RFX7: variants seen among roughly 807,000 people sequenced by gnomAD.
RFX7 encodes the protein DNA-binding protein RFX7.
RFX7 carries 26 observed loss-of-function variants against 111.8 expected under a neutral mutation model. The ratio of observed to expected loss-of-function variants is 0.23; its 90% CI spans 0.17 to 0.32. The LOEUF (loss-of-function observed/expected upper bound fraction) is 0.32. Among genes scored for constraint, RFX7 ranks in the 10% least tolerant of loss-of-function variants. The probability of loss-of-function intolerance (pLI) is 1.00; values close to 1 mark genes in which losing one functional copy is unlikely to be tolerated. For missense variants in RFX7, 1,573 were observed against 1,772.9 expected (o/e 0.89, Z 2.02); for synonymous variants, 624 against 624.4 (o/e 1.00, Z 0.01).
chr15:56,162,523 T>C (rs1445716696), intron 3 of RFX7, among the ~76,000 whole-genome samples: 1 of 152,024 alleles, frequency 6.6e-6, no homozygotes, highest in East Asian at 1.9e-4. Flanking sequence ...TGTAATAAAT[T>C]TGAAAGCTAG....
intron 5 of RFX7, among the ~76,000 whole-genome samples, chr15:56,140,501 C>T (rs1434089902): frequency 2.6e-5 from 4 of 152,232 alleles, no homozygotes; most frequent in African/African-American, 9.6e-5. Flanking sequence ...CACCCACTGA[C>T]CTGCGCCCAC....
chr15:56,242,812 A>C (rs1383840950), intron 2 of RFX7, among the ~76,000 whole-genome samples: 1 of 152,244 alleles, frequency 6.6e-6, no homozygotes, highest in Admixed American at 6.5e-5. Context: ...TCATGCCACC[A>C]TCATGCAATA....
intron 3 of RFX7, among the ~76,000 whole-genome samples, chr15:56,152,730 C>T (rs2141053027): frequency 1.5e-5 from 2 of 136,002 alleles, no homozygotes; most frequent in East Asian, 4.2e-4. Context: ...GATGGAGACA[C>T]AAAAAACCCT....
rs1595924974 is a variant in RFX7 at position 56,102,934 on chromosome 15, A to G, written c.518+620T>C. On this transcript the variant is annotated intron_variant, in intron 6 of 9. Transcript: ENST00000559447. The stretch of plus-strand genomic sequence containing the variant: ...TGATACAGAGACCCTCTATTTTACA[A>G]TCTTCTTCTAAGAGGAGAAAGAACT... Among the ~76,000 whole-genome samples the G allele has an allele frequency of 2.6e-5, 4 of 152,114 alleles. No homozygotes were observed. The South Asian group carries it at 8.3e-4, about 32-fold the overall frequency.
rs1305076993 is a variant in RFX7 at position 56,243,463 on chromosome 15, C to A, written c.-21G>T. The A allele has an allele frequency of 5.1e-6, 5 of 984,634 alleles. No individual in the cohort carries two copies. The African/African-American group carries it at 8.8e-5, about 17-fold the overall frequency. 61.0% of individuals were successfully genotyped at this position (984,634 alleles called of 1,614,324 possible). The stretch of plus-strand genomic sequence containing the variant: ...CCTTTACCCCAGGGCTCGAGTGAGT[C>A]GCTTTCGCCTGCCGCCTGGGGAACA... On this transcript the variant is annotated 5_prime_UTR_variant, in exon 1 of 10. Coordinates refer to ENST00000559447, the MANE Select transcript of RFX7 (RefSeq NM_022841.7).
chr15:56,191,706 CAGAT>C (rs2043102342), intron 2 of RFX7, among the ~76,000 whole-genome samples: 1 of 152,084 alleles, frequency 6.6e-6, no homozygotes, highest in African/African-American at 2.4e-5. Flanking sequence ...AAAAACCAGA[CAGAT>C]AGTAATTATT....
At chr15:56,163,718 CA>C (rs1391877923) in intron 3 of RFX7, among the ~76,000 whole-genome samples, 1 of 152,102 alleles carries the variant, frequency 6.6e-6, no homozygotes, top group Non-Finnish European at 1.5e-5. Context: ...AGCAGAGACT[CA>C]AAACAGTTAT....
In RFX7 at chr15:56,243,737, G is replaced by A. The variant is rs1465240088; in HGVS notation, c.-295C>T. Among the ~76,000 whole-genome samples the A allele has an allele frequency of 1.1e-3, 162 of 151,194 alleles. 1 individual carries two copies. Among genetic ancestry groups the A allele is most frequent in the African/African-American group, 3.7e-3 (155 of 41,368 alleles). ...CTTGTCCCCGGGGCTTTCTACTGCCGGGTCCCCGTGCTGCTGCAGCCCCAG... is the reference window on the plus strand; with the variant it reads ...CTTGTCCCCGGGGCTTTCTACTGCCAGGTCCCCGTGCTGCTGCAGCCCCAG... On this transcript the variant is annotated 5_prime_UTR_variant, in exon 1 of 10. Coordinates refer to ENST00000559447, the MANE Select transcript of RFX7 (RefSeq NM_022841.7).
intron 2 of RFX7, among the ~76,000 whole-genome samples, chr15:56,230,553 A>T (rs1337636055): frequency 2.6e-5 from 4 of 152,268 alleles, no homozygotes; most frequent in Non-Finnish European, 5.9e-5. Context: ...TGCCTCTAAG[A>T]ATGCAGTAAA....
chr15:56,170,147 TGGGTATATTCCAATG>T (rs760913550), intron 3 of RFX7, among the ~76,000 whole-genome samples: 14 of 152,192 alleles, frequency 9.2e-5, no homozygotes, highest in Non-Finnish European at 1.0e-4. Context: ...CATGTGCCTC[TGGGTATATTCCAATG>T]CATATGTTCC....
At position 56,133,693 on chromosome 15, in the gene RFX7, A is replaced by G. The variant is rs1005166110; in HGVS notation, c.401+9085T>C. Reference sequence around the variant, plus strand: ...CTATATTCTATTTAGTTTTCTTTAGACAACATAATTGTAAAACTTTTAACT... The same window carrying G: ...CTATATTCTATTTAGTTTTCTTTAGGCAACATAATTGTAAAACTTTTAACT... On this transcript the variant is annotated intron_variant, in intron 5 of 9. Transcript: ENST00000559447. 2.0e-5 allele frequency among the ~76,000 whole-genome samples: 3 copies of G among 152,138 alleles called. No homozygotes were observed. In the East Asian group the frequency reaches 5.8e-4, roughly 29 times the overall value.
rs1427310781 is a variant in RFX7, at chr15:56,092,137, C to T, written c.*1208G>A. 1 of 152,500 alleles carries T rather than the reference C, an allele frequency of 6.6e-6. No individual in the cohort carries two copies. Among genetic ancestry groups the T allele is most frequent in the East Asian group, 1.9e-4 (1 of 5,200 alleles). The allele number at this position is 152,500 out of a possible 1,614,324, so 9.4% of individuals were successfully genotyped here. ...ATTTTAAAACAAATCCTGAGTTCTT[C>T]TTTTGCAATTGTGGTTATCACAATA... On this transcript the variant is annotated 3_prime_UTR_variant, in exon 10 of 10. Transcript: ENST00000559447.
At chr15:56,115,155 G>A (rs1258741206) in intron 5 of RFX7, among the ~76,000 whole-genome samples, 1 of 151,946 alleles carries the variant, frequency 6.6e-6, no homozygotes, top group Non-Finnish European at 1.5e-5. Context: ...GATTATAAGC[G>A]CCCACCACCA....
Position 56,243,492 on chromosome 15 carries a change from C to A in RFX7, c.-50G>T. On this transcript the variant is annotated 5_prime_UTR_variant, in exon 1 of 10. Coordinates refer to ENST00000559447, the MANE Select transcript of RFX7 (RefSeq NM_022841.7). Reference sequence around the variant, plus strand: ...TTCGCCTGCCGCCTGGGGAACATCACCGGGGAGACCAGCGGCTCCTCACGG... The same window carrying A: ...TTCGCCTGCCGCCTGGGGAACATCAACGGGGAGACCAGCGGCTCCTCACGG... 1 of 985,010 alleles carries A rather than the reference C, an allele frequency of 1.0e-6. No homozygotes were observed. Among genetic ancestry groups the A allele is most frequent in the Non-Finnish European group, 1.2e-6 (1 of 829,798 alleles). 61.0% of individuals were successfully genotyped at this position (985,010 alleles called of 1,614,324 possible). A position where few individuals can be genotyped will look rare whatever the true frequency, so the allele number is the denominator to read the frequency against.
intron 3 of RFX7, among the ~76,000 whole-genome samples, chr15:56,156,344 C>A (rs2042652276): frequency 6.6e-6 from 1 of 152,044 alleles, no homozygotes. Context: ...TGTGCACATG[C>A]ATGCATCAAT....
Position 56,096,126 on chromosome 15 carries a change from A to G in RFX7, c.1602T>C (p.Ala534=). ...TTTCGGGTTCCACTTTGACTTCCACAGCAGATGTTCCCCCCGCACTGCTGC... is the reference window on the plus strand; with the variant it reads ...TTTCGGGTTCCACTTTGACTTCCACGGCAGATGTTCCCCCCGCACTGCTGC... ...SRSSSAGGTS[A]VEVKVEPETS... is the part of the protein sequence containing the mutation. Residue 534 remains alanine (A), a synonymous_variant, in exon 10 of 10, where the codon GCT becomes GCC. Coordinates refer to ENST00000559447, the MANE Select transcript of RFX7 (RefSeq NM_022841.7). 1 of 1,613,832 alleles carries G rather than the reference A, an allele frequency of 6.2e-7. No individual in the cohort carries two copies. The highest frequency in any genetic ancestry group is 8.5e-7 in the Non-Finnish European group (1 of 1,179,840).
In RFX7 at chr15:56,103,535, C is replaced by G; in HGVS notation, c.518+19G>C. 1 of 1,495,568 alleles carries G rather than the reference C, an allele frequency of 6.7e-7. No homozygotes were observed. The highest frequency in any genetic ancestry group is 1.2e-5 in the South Asian group (1 of 84,032). 92.6% of individuals were successfully genotyped at this position (1,495,568 alleles called of 1,614,324 possible). On this transcript the variant is annotated intron_variant, in intron 6 of 9. Transcript: ENST00000559447. ...TGAGAACACAGAGATATTACTAACA[C>G]CATTCTGGTAAAGGATATTTAGATT...
intron 2 of RFX7, among the ~76,000 whole-genome samples, chr15:56,240,534 T>C (rs1398934576): frequency 6.6e-6 from 1 of 152,178 alleles, no homozygotes; most frequent in South Asian, 2.1e-4. Context: ...AACTGATAAC[T>C]TATTGTCCAA....
rs772613314 is a variant in RFX7 at position 56,094,146 on chromosome 15, G to C, written c.3582C>G (p.Thr1194=). 15 of 1,613,812 alleles carry C rather than the reference G, an allele frequency of 9.3e-6. No homozygotes were observed. In the African/African-American group the frequency reaches 1.7e-4, roughly 19 times the overall value. ...CTGGGGTAACTGGACTTCCAAAGGG[G>C]GTCACATTAGATCGTGGGATATTAG... The part of the protein sequence containing the change: ...PVSNIPRSNV[T]PFGSPVTPEV... Residue 1194 remains threonine (T), a synonymous_variant, in exon 10 of 10, where the codon ACC becomes ACG. Transcript: ENST00000559447.
Sources: gnomAD v4.1 joint callset for allele counts (sites outside exome capture counted in the v4.1 genomes callset) on GRCh38, gnomAD v4.1.1 for gene constraint, MANE v1.5 for transcripts, NCBI Gene and HGNC (gene_info 2026-07-23, HGNC 2026-07-21) for gene names.